EEF1AKMT2: variants seen among roughly 807,000 people sequenced by gnomAD.
EEF1AKMT2 encodes EEF1A lysine methyltransferase 2, also known as eukaryotic translation elongation factor 1 alpha lysine methyltransferase 2.
A neutral mutation model predicts 35.8 loss-of-function variants in EEF1AKMT2; 32 were observed. The ratio of observed to expected loss-of-function variants is 0.89; its 90% confidence interval spans 0.67 to 1.20. The LOEUF (loss-of-function observed/expected upper bound fraction) is 1.20, where lower values mean the gene tolerates loss of function less well. EEF1AKMT2 is among the 50% of genes most tolerant of loss of function. The pLI is 0.00. For missense variants in EEF1AKMT2, 330 were observed against 347.5 expected (o/e 0.95, Z 0.40); for synonymous variants, 121 against 133.7 (o/e 0.91, Z 0.65).
intron 3 of EEF1AKMT2, among the ~76,000 whole-genome samples, chr10:124,783,552 G>A (rs1471644353): frequency 3.9e-5 from 6 of 152,216 alleles, no homozygotes; most frequent in Non-Finnish European, 8.8e-5. Context: ...AACTTACCGA[G>A]TATGCTTAAC....
chr10:124,774,582 C>A (rs1950472268), intron 4 of EEF1AKMT2, 93 bp downstream of exon 4: 1 of 599,218 alleles, frequency 1.7e-6, no homozygotes, highest in Non-Finnish European at 2.4e-6. Flanking sequence ...TATGATTGAT[C>A]CCTAATTTAT....
At chr10:124,769,683 G>A (rs1226737695) in intron 4 of EEF1AKMT2, among the ~76,000 whole-genome samples, 2 of 151,688 alleles carry the variant, frequency 1.3e-5, no homozygotes, top group Non-Finnish European at 2.9e-5. Flanking sequence ...ATGGTGGCTC[G>A]CACCTGTAAT....
intron 4 of EEF1AKMT2, among the ~76,000 whole-genome samples, chr10:124,770,354 T>C (rs748292629): frequency 3.9e-5 from 6 of 152,096 alleles, no homozygotes; most frequent in Admixed American, 3.3e-4. Context: ...GAGGCGGAAG[T>C]TGCAAGTGAG....
chr10:124,765,681 A>G lies in EEF1AKMT2; in HGVS notation c.400-73T>C, dbSNP rs1452032267. ...TTACAGAATGTAAGTGACAACCTGT[A>G]AAAGGTTATTAATAAAAGGACCCAT... On this transcript the variant is annotated intron_variant, in intron 4 of 6. Coordinates refer to ENST00000368836, the MANE Select transcript of EEF1AKMT2 (RefSeq NM_212554.4). 1.6e-5 allele frequency: 18 copies of G among 1,121,568 alleles called. No homozygotes were observed. In the Admixed American group the frequency reaches 2.9e-4, roughly 18 times the overall value. 69.5% of individuals were successfully genotyped at this position (1,121,568 alleles called of 1,614,324 possible).
At chr10:124,774,593 G>C in intron 4 of EEF1AKMT2, 82 bp downstream of exon 4, 1 of 681,074 alleles carries the variant, frequency 1.5e-6, no homozygotes, top group Non-Finnish European at 2.1e-6. Flanking sequence ...CCTAATTTAT[G>C]AGTTTAAAAC....
At chr10:124,765,022 C>G (rs1950366559) in intron 5 of EEF1AKMT2, among the ~76,000 whole-genome samples, 1 of 152,208 alleles carries the variant, frequency 6.6e-6, no homozygotes, top group Non-Finnish European at 1.5e-5. Context: ...TCACCTCAGT[C>G]TCCTAAGTAG....
chr10:124,765,757 T>TCATAAAAGTTAGCTATA, intron 4 of EEF1AKMT2, 149 bp from the exon 5 acceptor site: 1 of 612,864 alleles, frequency 1.6e-6, no homozygotes, highest in Non-Finnish European at 2.8e-6. Context: ...ACTTTATAGC[T>TCATAAAAGTTAGCTATA]AACTTTTATG....
chr10:124,773,285 C>T (rs577523376), intron 4 of EEF1AKMT2, among the ~76,000 whole-genome samples: 1 of 152,264 alleles, frequency 6.6e-6, no homozygotes, highest in African/African-American at 2.4e-5. Flanking sequence ...GCAACCTCCA[C>T]CTTCCAGGTT....
chr10:124,765,590 G>T lies in EEF1AKMT2; in HGVS notation c.418C>A (p.Leu140Ile), dbSNP rs1295352470. 1 of 1,613,092 alleles carries T rather than the reference G, an allele frequency of 6.2e-7. No individual in the cohort carries two copies. Among genetic ancestry groups the T allele is most frequent in the African/African-American group, 1.3e-5 (1 of 74,978 alleles). Residue 140 changes from leucine (L) to isoleucine (I), a missense_variant, in exon 5 of 7, where the codon CTC becomes ATC. Coordinates refer to ENST00000368836, the MANE Select transcript of EEF1AKMT2 (RefSeq NM_212554.4). ...IKLKVEDFLN[L>I]STQLSGFHIC... ...TGAAATCCAGACAGCTGTGTGGAGA[G>T]ATTCAAAAAGTCTTCTACCTATATT...
chr10:124,782,451 G>A (rs972291649), intron 3 of EEF1AKMT2, among the ~76,000 whole-genome samples: 52 of 151,646 alleles, frequency 3.4e-4, no homozygotes, highest in African/African-American at 1.0e-3. Flanking sequence ...GCGTGGTAGC[G>A]GGCGCCTGTA....
intron 4 of EEF1AKMT2, 65 bp downstream of exon 4, chr10:124,774,610 A>C: frequency 1.2e-6 from 1 of 853,042 alleles, no homozygotes; most frequent in Non-Finnish European, 1.6e-6. Context: ...AAACCTGTCA[A>C]TTAATATGCT....
At chr10:124,785,620 G>A (rs978754816) in intron 3 of EEF1AKMT2, among the ~76,000 whole-genome samples, 2 of 152,122 alleles carry the variant, frequency 1.3e-5, no homozygotes, top group Admixed American at 6.6e-5. Context: ...CAGGCCAGGC[G>A]TGGTGGCTCA....
intron 4 of EEF1AKMT2, among the ~76,000 whole-genome samples, chr10:124,769,731 G>A (rs149186591): frequency 0.03 from 4,547 of 151,790 alleles, 113 homozygotes; most frequent in Non-Finnish European, 0.047. Context: ...TGGATCACCT[G>A]AGGTCAGGAG....
downstream of EEF1AKMT2, among the ~76,000 whole-genome samples, chr10:124,756,560 G>A (rs977898296): frequency 6.6e-6 from 1 of 152,164 alleles, no homozygotes; most frequent in South Asian, 2.1e-4. Flanking sequence ...AATACACTGT[G>A]TTGCAAAAGA....
intron 4 of EEF1AKMT2, among the ~76,000 whole-genome samples, chr10:124,770,951 T>C (rs7079846): frequency 0.74 from 111,738 of 151,998 alleles, 41,275 homozygotes; most frequent in South Asian, 0.84. Context: ...AATTCCTCCA[T>C]TGAAATCTTG....
chr10:124,762,634 A>G, intron 5 of EEF1AKMT2, 76 bp from the exon 6 acceptor site: 1 of 773,262 alleles, frequency 1.3e-6, no homozygotes, highest in Non-Finnish European at 1.6e-6. Flanking sequence ...TTGGTCTATC[A>G]TACTATTTCA....
intron 5 of EEF1AKMT2, among the ~76,000 whole-genome samples, chr10:124,764,793 T>C (rs897716155): frequency 1.3e-5 from 2 of 152,340 alleles, no homozygotes; most frequent in Non-Finnish European, 2.9e-5. Context: ...TGCCAGTAAA[T>C]CAGTGCACTG....
intron 3 of EEF1AKMT2, among the ~76,000 whole-genome samples, chr10:124,776,343 A>G (rs1463474006): frequency 6.6e-6 from 1 of 152,200 alleles, no homozygotes; most frequent in Non-Finnish European, 1.5e-5. Flanking sequence ...ATTCAAGGAA[A>G]CAACCAAACC....
intron 3 of EEF1AKMT2, among the ~76,000 whole-genome samples, chr10:124,780,599 C>T (rs1239057807): frequency 2.0e-5 from 3 of 151,796 alleles, no homozygotes; most frequent in Non-Finnish European, 2.9e-5. Context: ...GTGGAGTTCA[C>T]GGGGACCTGT....
Sources: gnomAD v4.1 joint callset for allele counts (sites outside exome capture counted in the v4.1 genomes callset) on GRCh38, gnomAD v4.1.1 for gene constraint, MANE v1.5 for transcripts, NCBI Gene and HGNC (gene_info 2026-07-23, HGNC 2026-07-21) for gene names.